PLPPR1: variants seen among roughly 807,000 people sequenced by gnomAD.
PLPPR1 encodes the protein phospholipid phosphatase-related protein type 1.
Under a neutral mutation model 33.1 loss-of-function variants are expected in PLPPR1, and 10 were observed. The observed-to-expected ratio is 0.30, with a 90% CI of 0.19 to 0.51. The LOEUF (loss-of-function observed/expected upper bound fraction) is 0.51, where lower values mean the gene tolerates loss of function less well. Ranked by LOEUF, PLPPR1 falls within the 20% of genes least tolerant of loss-of-function variation. The pLI is 0.97. For synonymous variants in PLPPR1, 151 were observed against 151.0 expected, an observed-to-expected ratio of 1.00 and a Z score of 0.00; for missense variants, 304 against 408.1, an observed-to-expected ratio of 0.74 and a Z score of 2.20.
chr9:101,114,107 T>A (rs1831091231), intron 1 of PLPPR1, among the ~76,000 whole-genome samples: 2 of 152,178 alleles, frequency 1.3e-5, no homozygotes, highest in Admixed American at 1.3e-4. Context: ...AGAATAGGAA[T>A]GAGAGAATGA....
At chr9:101,202,757 GC>G (rs1432090777) in intron 2 of PLPPR1, among the ~76,000 whole-genome samples, 1 of 152,206 alleles carries the variant, frequency 6.6e-6, no homozygotes, top group Non-Finnish European at 1.5e-5. Flanking sequence ...CATTCTCCCA[GC>G]TGAGGGGCAA....
chr9:101,213,735 A>G lies in PLPPR1; in HGVS notation c.63+28178A>G, dbSNP rs375467027. Among the ~76,000 whole-genome samples the G allele has an allele frequency of 3.2e-4, 49 of 152,328 alleles. 2 individuals are homozygous for G. The highest frequency in any genetic ancestry group is 3.1e-3 in the South Asian group (15 of 4,830). ...CTCCATATTGCCAATCAGATTCTAA[A>G]GCTGATGTTTGGTACTTAACAAGGA... is the stretch of plus-strand genomic sequence containing the variant. On this transcript the variant is annotated intron_variant, in intron 2 of 7. Transcript: ENST00000374874.
At chr9:101,290,624 G>A (rs1053456430) in intron 4 of PLPPR1, among the ~76,000 whole-genome samples, 1 of 152,122 alleles carries the variant, frequency 6.6e-6, no homozygotes, top group Admixed American at 6.6e-5. Flanking sequence ...AATCAGAAAT[G>A]TAGATTAATT....
intron 7 of PLPPR1, among the ~76,000 whole-genome samples, chr9:101,320,427 A>G (rs1829132509): frequency 6.6e-6 from 1 of 152,212 alleles, no homozygotes; most frequent in Non-Finnish European, 1.5e-5. Context: ...ATATTGATGG[A>G]TGAATACAAA....
At chr9:101,271,399 C>T (rs779241941) in intron 3 of PLPPR1, among the ~76,000 whole-genome samples, 27 of 152,182 alleles carry the variant, frequency 1.8e-4, no homozygotes, top group Non-Finnish European at 8.8e-5. Flanking sequence ...CTGCTCTTTG[C>T]CCTCTTTGGA....
intron 1 of PLPPR1, among the ~76,000 whole-genome samples, chr9:101,038,892 C>A (rs1015174388): frequency 3.9e-5 from 6 of 152,014 alleles, no homozygotes; most frequent in African/African-American, 1.4e-4. Flanking sequence ...AATAACACTT[C>A]GAAGTTAGAC....
At chr9:101,291,281 C>A (rs1399056666) in intron 4 of PLPPR1, among the ~76,000 whole-genome samples, 1 of 152,236 alleles carries the variant, frequency 6.6e-6, no homozygotes, top group African/African-American at 2.4e-5. Context: ...AACAAAGCAG[C>A]CGGGAAGCTC....
intron 1 of PLPPR1, among the ~76,000 whole-genome samples, chr9:101,091,414 T>C (rs1056202597): frequency 1.3e-5 from 2 of 152,190 alleles, no homozygotes; most frequent in African/African-American, 4.8e-5. Context: ...CGGCATGTCT[T>C]CTGGAGGCTC....
chr9:101,050,100 G>C (rs1274464353), intron 1 of PLPPR1, among the ~76,000 whole-genome samples: 1 of 131,400 alleles, frequency 7.6e-6, no homozygotes, highest in Non-Finnish European at 1.5e-5. Context: ...ACTCCAGCCT[G>C]CAACAGAGTG....
chr9:101,114,044 T>G (rs1305867152), intron 1 of PLPPR1, among the ~76,000 whole-genome samples: 1 of 125,164 alleles, frequency 8.0e-6, no homozygotes, highest in Non-Finnish European at 1.8e-5. Context: ...TCAGATGGTC[T>G]GAAGCATTAA....
chr9:101,140,506 C>T (rs55822393), intron 1 of PLPPR1, among the ~76,000 whole-genome samples: 2 of 152,176 alleles, frequency 1.3e-5, no homozygotes, highest in Admixed American at 6.6e-5. Context: ...AGATGCCTTA[C>T]GTTTTTACAA....
intron 1 of PLPPR1, among the ~76,000 whole-genome samples, chr9:101,068,446 C>G (rs2118482305): frequency 6.6e-6 from 1 of 152,046 alleles, no homozygotes; most frequent in South Asian, 2.1e-4. Context: ...TTGGAAAGAC[C>G]TGGATTTATG....
intron 1 of PLPPR1, among the ~76,000 whole-genome samples, chr9:101,030,668 T>G (rs1020370892): frequency 6.6e-6 from 1 of 151,970 alleles, no homozygotes; most frequent in South Asian, 2.1e-4. Flanking sequence ...GAAGCCAAGC[T>G]GATGCTGAAA....
chr9:101,162,622 G>A (rs1031935007), intron 1 of PLPPR1, among the ~76,000 whole-genome samples: 4 of 152,148 alleles, frequency 2.6e-5, no homozygotes, highest in Non-Finnish European at 5.9e-5. Flanking sequence ...GAGAATTCGA[G>A]TTTTTGTGTT....
At chr9:101,176,727 C>A (rs550816744) in intron 1 of PLPPR1, among the ~76,000 whole-genome samples, 5 of 152,296 alleles carry the variant, frequency 3.3e-5, no homozygotes, top group African/African-American at 1.2e-4. Flanking sequence ...TCCGCCTCTA[C>A]CCACTTGAGC....
At chr9:101,204,041 G>T (rs929459603) in intron 2 of PLPPR1, among the ~76,000 whole-genome samples, 1 of 152,072 alleles carries the variant, frequency 6.6e-6, no homozygotes, top group East Asian at 1.9e-4. Context: ...CCCCTGTAAC[G>T]CAAGTTTCTC....
At chr9:101,150,109 C>A (rs1279976277) in intron 1 of PLPPR1, among the ~76,000 whole-genome samples, 1 of 151,620 alleles carries the variant, frequency 6.6e-6, no homozygotes, top group Non-Finnish European at 1.5e-5. Context: ...TTTTATTTTC[C>A]ATTTCTCTGC....
chr9:101,267,108 G>T (rs1257926204), intron 2 of PLPPR1, among the ~76,000 whole-genome samples: 1 of 152,172 alleles, frequency 6.6e-6, no homozygotes, highest in Non-Finnish European at 1.5e-5. Context: ...TTTGCAGGGG[G>T]ACAGACGGAA....
intron 1 of PLPPR1, among the ~76,000 whole-genome samples, chr9:101,122,316 A>T (rs1831188871): frequency 6.6e-6 from 1 of 152,186 alleles, no homozygotes; most frequent in Non-Finnish European, 1.5e-5. Context: ...CCTTCGTTTT[A>T]CAAATACTGA....
Sources: allele counts gnomAD v4.1 joint callset (sites outside exome capture counted in the v4.1 genomes callset), GRCh38; gene constraint gnomAD v4.1.1; transcripts MANE v1.5; gene names NCBI Gene and HGNC (gene_info 2026-07-23, HGNC 2026-07-21).